The following KCNB2 variants were observed in gnomAD, a reference collection of about 807,000 sequenced individuals.
The protein encoded by KCNB2 is potassium voltage-gated channel subfamily B member 2.
In KCNB2, 15 loss-of-function variants were observed where a neutral mutation model predicts 61.5. That is an observed-to-expected ratio of 0.24 (90% CI 0.16 to 0.38). The LOEUF is 0.38. Among genes scored for constraint, KCNB2 ranks in the 10% least tolerant of loss-of-function variants. The pLI, the probability that KCNB2 is intolerant of heterozygous loss-of-function variation, is 1.00. For synonymous variants in KCNB2, 457 were observed against 446.0 expected, an observed-to-expected ratio of 1.02 and a Z score of -0.31; for missense variants, 828 against 1,125.2, an observed-to-expected ratio of 0.74 and a Z score of 3.78.
intron 2 of KCNB2, among the ~76,000 whole-genome samples, chr8:72,671,142 T>TA (rs1390532205): frequency 6.6e-6 from 1 of 152,192 alleles, no homozygotes; most frequent in Non-Finnish European, 1.5e-5. Flanking sequence ...GTTGAGTTTT[T>TA]ATCTAGCCTG....
At chr8:72,885,012 T>C (rs1228743018) in intron 2 of KCNB2, among the ~76,000 whole-genome samples, 3 of 152,210 alleles carry the variant, frequency 2.0e-5, no homozygotes, top group Non-Finnish European at 4.4e-5. Flanking sequence ...TTTAGCAAAT[T>C]AGGAAGTTCT....
At chr8:72,597,256 G>C (rs1807214123) in intron 2 of KCNB2, among the ~76,000 whole-genome samples, 1 of 152,024 alleles carries the variant, frequency 6.6e-6, no homozygotes, top group Admixed American at 6.5e-5. Flanking sequence ...GGTTGGTCTT[G>C]ATCTCCCTAC....
At chr8:72,557,756 T>C (rs753634501) in intron 1 of KCNB2, among the ~76,000 whole-genome samples, 1 of 152,210 alleles carries the variant, frequency 6.6e-6, no homozygotes, top group Non-Finnish European at 1.5e-5. Flanking sequence ...TGGGTCTTCA[T>C]GAACACTGCC....
At chr8:72,656,547 T>C (rs1013045557) in intron 2 of KCNB2, among the ~76,000 whole-genome samples, 3 of 152,138 alleles carry the variant, frequency 2.0e-5, no homozygotes, top group Non-Finnish European at 4.4e-5. Context: ...ATGTATAATC[T>C]CTCTCAATAT....
intron 2 of KCNB2, among the ~76,000 whole-genome samples, chr8:72,590,716 G>T (rs184158103): frequency 6.6e-6 from 1 of 152,082 alleles, no homozygotes; most frequent in Non-Finnish European, 1.5e-5. Flanking sequence ...TGAACCATAG[G>T]CTATGAACAC....
rs768177813 is a variant in KCNB2 at position 72,937,054 on chromosome 8, C to G, written c.1699C>G (p.Pro567Ala). Residue 567 changes from proline to alanine, a missense_variant, in exon 3 of 3, where the codon CCA becomes GCA. Pro to Ala is a conservative substitution (Grantham distance 27). This residue lies in a region of KCNB2 where 559 missense variants were observed against 588.4 expected (regional missense o/e 0.95). Transcript: ENST00000523207. Reference protein sequence around the residue: ...NPDCQEKPERPSAYEEEIEME... With the variant: ...NPDCQEKPERASAYEEEIEME... Reference sequence around the variant, plus strand: ...AGACTGCCAAGAAAAGCCTGAGAGGCCATCTGCATATGAAGAAGAGATTGA... The same window carrying G: ...AGACTGCCAAGAAAAGCCTGAGAGGGCATCTGCATATGAAGAAGAGATTGA... The G allele has an allele frequency of 1.2e-6, 2 of 1,614,074 alleles. No homozygotes were observed. The highest frequency in any genetic ancestry group is 1.7e-5 in the Admixed American group (1 of 60,008).
chr8:72,896,926 T>C (rs1192272830), intron 2 of KCNB2, among the ~76,000 whole-genome samples: 1 of 152,156 alleles, frequency 6.6e-6, no homozygotes, highest in African/African-American at 2.4e-5. Context: ...CAAAAGAGCA[T>C]TTTTGAATTG....
chr8:72,717,093 T>A (rs1324037345), intron 2 of KCNB2, among the ~76,000 whole-genome samples: 1 of 151,990 alleles, frequency 6.6e-6, no homozygotes, highest in Admixed American at 6.6e-5. Flanking sequence ...TACCTAGGAA[T>A]CCAACTTACA....
At chr8:72,651,846 A>G (rs1302578559) in intron 2 of KCNB2, among the ~76,000 whole-genome samples, 3 of 151,936 alleles carry the variant, frequency 2.0e-5, no homozygotes, top group Non-Finnish European at 4.4e-5. Flanking sequence ...TGTCTACTCA[A>G]TCTCTTTATT....
intron 2 of KCNB2, among the ~76,000 whole-genome samples, chr8:72,842,241 G>C (rs1367037189): frequency 1.3e-5 from 2 of 152,158 alleles, no homozygotes; most frequent in African/African-American, 2.4e-5. Flanking sequence ...TACATTTATT[G>C]ATTTGTGTAT....
intron 2 of KCNB2, among the ~76,000 whole-genome samples, chr8:72,647,350 TG>T (rs1455530297): frequency 1.3e-5 from 2 of 151,972 alleles, no homozygotes; most frequent in African/African-American, 4.8e-5. Flanking sequence ...TTTTTAGCAT[TG>T]TTTTTCCTCT....
At chr8:72,924,294 G>A (rs1585978743) in intron 2 of KCNB2, among the ~76,000 whole-genome samples, 2 of 152,128 alleles carry the variant, frequency 1.3e-5, no homozygotes, top group Non-Finnish European at 2.9e-5. Context: ...TAGCCCATGA[G>A]AATCCACTCC....
At chr8:72,661,424 A>C (rs1051501131) in intron 2 of KCNB2, 2 of 152,192 alleles carry the variant, frequency 1.3e-5, no homozygotes, top group Admixed American at 6.5e-5. Context: ...CCAATTCCAC[A>C]TGTCCTCACC....
intron 2 of KCNB2, among the ~76,000 whole-genome samples, chr8:72,790,392 C>G (rs561335737): frequency 1.3e-5 from 2 of 152,228 alleles, no homozygotes; most frequent in East Asian, 3.9e-4. Context: ...GAGAATTCAA[C>G]AGGGTAACAG....
intron 2 of KCNB2, among the ~76,000 whole-genome samples, chr8:72,696,476 AC>A (rs1807020282): frequency 6.6e-6 from 1 of 152,170 alleles, no homozygotes; most frequent in South Asian, 2.1e-4. Flanking sequence ...AGCTCATGGC[AC>A]CACTGGAAGT....
intron 2 of KCNB2, among the ~76,000 whole-genome samples, chr8:72,776,499 A>T (rs150262515): frequency 9.9e-4 from 151 of 152,250 alleles, no homozygotes; most frequent in African/African-American, 3.4e-3. Context: ...TTGTGTGGGC[A>T]TTGGGATCTC....
intron 2 of KCNB2, chr8:72,750,159 C>A (rs1410631790): frequency 6.6e-6 from 1 of 152,074 alleles, no homozygotes; most frequent in Non-Finnish European, 1.5e-5. Context: ...CCTTCTGTGA[C>A]TTGCTTTCCT....
chr8:72,638,945 A>G (rs368797272), intron 2 of KCNB2, among the ~76,000 whole-genome samples: 3 of 152,176 alleles, frequency 2.0e-5, no homozygotes, highest in South Asian at 4.1e-4. Flanking sequence ...TATTAAATCT[A>G]TCACTCAACT....
intron 2 of KCNB2, among the ~76,000 whole-genome samples, chr8:72,657,645 A>G (rs980284529): frequency 5.9e-5 from 9 of 152,184 alleles, no homozygotes; most frequent in Non-Finnish European, 1.3e-4. Flanking sequence ...GAGCAATTGT[A>G]TACTCACTCA....
Sources: allele counts gnomAD v4.1 joint callset (sites outside exome capture counted in the v4.1 genomes callset), GRCh38; gene constraint gnomAD v4.1.1; regional missense constraint gnomAD v4.1.1; transcripts MANE v1.5; gene names NCBI Gene and HGNC (gene_info 2026-07-23, HGNC 2026-07-21).